CEPT1: variants seen among roughly 807,000 people sequenced by gnomAD.
CEPT1 encodes choline/ethanolaminephosphotransferase 1.
In CEPT1, 7 loss-of-function variants were observed where a neutral mutation model predicts 42.6. The ratio of observed to expected loss-of-function variants is 0.16; its 90% CI spans 0.09 to 0.31. The LOEUF is 0.31. CEPT1 is among the 10% of genes least tolerant of loss of function. The pLI, the probability that CEPT1 is intolerant of heterozygous loss-of-function variation, is 1.00. For synonymous variants in CEPT1, 171 were observed against 171.9 expected (o/e 0.99, Z 0.04); for missense variants, 306 against 502.1 (o/e 0.61, Z 3.73).
intron 1 of CEPT1, among the ~76,000 whole-genome samples, chr1:111,146,562 T>C (rs1654979410): frequency 6.6e-6 from 1 of 152,218 alleles, no homozygotes; most frequent in Non-Finnish European, 1.5e-5. Flanking sequence ...ATTTTCATTT[T>C]TACCATCCTA....
intron 4 of CEPT1, among the ~76,000 whole-genome samples, chr1:111,172,784 A>C (rs1334850672): frequency 6.6e-6 from 1 of 152,218 alleles, no homozygotes. Context: ...TGGAGTTCAG[A>C]ATATTCTTCT....
intron 4 of CEPT1, among the ~76,000 whole-genome samples, chr1:111,174,360 GT>G (rs373401927): frequency 1.1e-4 from 17 of 148,624 alleles, no homozygotes; most frequent in Middle Eastern, 3.5e-3. Context: ...AACTGGAGGA[GT>G]TTTTTTTTTC....
intron 4 of CEPT1, among the ~76,000 whole-genome samples, chr1:111,166,137 C>G (rs1656134134): frequency 6.6e-6 from 1 of 152,198 alleles, no homozygotes; most frequent in South Asian, 2.1e-4. Context: ...GGCCTCAGCT[C>G]CGTTCGTTTA....
intron 2 of CEPT1, among the ~76,000 whole-genome samples, chr1:111,153,377 T>G (rs1351761713): frequency 1.3e-5 from 2 of 152,046 alleles, no homozygotes; most frequent in Admixed American, 1.3e-4. Flanking sequence ...CCTGGGTAAT[T>G]TTGTATTTTT....
chr1:111,171,365 C>G (rs1324486932), intron 4 of CEPT1, among the ~76,000 whole-genome samples: 2 of 152,194 alleles, frequency 1.3e-5, no homozygotes, highest in East Asian at 1.9e-4. Flanking sequence ...GAGATAGTCA[C>G]TCCAACTAAA....
chr1:111,168,468 T>G (rs1656249271), intron 4 of CEPT1, among the ~76,000 whole-genome samples: 1 of 151,618 alleles, frequency 6.6e-6, no homozygotes, highest in African/African-American at 2.4e-5. Flanking sequence ...AATAGTGAAT[T>G]CCTTGTTGGC....
chr1:111,142,722 G>T (rs1297288866), intron 1 of CEPT1, among the ~76,000 whole-genome samples: 7 of 152,124 alleles, frequency 4.6e-5, no homozygotes, highest in African/African-American at 1.7e-4. Context: ...GAGCTTGTGG[G>T]AAAAGAATGT....
chr1:111,139,589 A>G (rs1654103012), upstream of CEPT1: 2 of 152,312 alleles, frequency 1.3e-5, no homozygotes, highest in Non-Finnish European at 2.9e-5. Context: ...TCAACAAACC[A>G]GAGGAATTAA....
chr1:111,160,369 A>G (rs998698859), intron 3 of CEPT1: 4 of 152,156 alleles, frequency 2.6e-5, no homozygotes, highest in African/African-American at 9.7e-5. Context: ...CTTGTTTGAC[A>G]TGGCACTTAA....
Position 111,148,031 on chromosome 1 carries a change from A to G in CEPT1, c.317A>G (p.Tyr106Cys). ...NICTTILLVF[Y>C]CPTATEQAPL... ...TGTACAACTATTTTATTAGTCTTCT[A>G]CTGCCCTACAGCTACAGAGCAGGTA... is the stretch of plus-strand genomic sequence containing the variant. Residue 106 changes from tyrosine (Y) to cysteine (C), a missense_variant, in exon 2 of 9, where the codon TAC becomes TGC. Tyr to Cys is a radical substitution (Grantham distance 194). Around this residue, in one of 2 missense-constraint regions of CEPT1, gnomAD observed 253 missense variants for 447.3 expected, o/e 0.57. Transcript: ENST00000357172. The G allele has an allele frequency of 6.2e-7, 1 of 1,613,894 alleles. No homozygotes were observed. Among genetic ancestry groups the G allele is most frequent in the Non-Finnish European group, 8.5e-7 (1 of 1,179,730 alleles).
At chr1:111,155,477 T>A (rs1292139159) in intron 2 of CEPT1, among the ~76,000 whole-genome samples, 4 of 151,912 alleles carry the variant, frequency 2.6e-5, no homozygotes, top group African/African-American at 9.7e-5. Flanking sequence ...ACACAACATA[T>A]ATGACACATG....
intron 4 of CEPT1, chr1:111,166,956 G>A (rs1656173709): frequency 1.2e-5 from 2 of 169,880 alleles, no homozygotes; most frequent in South Asian, 1.9e-4. Context: ...GGATAGTATA[G>A]TACTGTATAA....
intron 2 of CEPT1, among the ~76,000 whole-genome samples, chr1:111,156,439 C>CT (rs1373816855): frequency 6.6e-6 from 1 of 152,146 alleles, no homozygotes; most frequent in Non-Finnish European, 1.5e-5. Flanking sequence ...GTAGTGCACT[C>CT]TAAGTTCAAT....
chr1:111,182,351 T>G, intron 6 of CEPT1, 33 bp downstream of exon 6: 2 of 1,601,978 alleles, frequency 1.2e-6, no homozygotes, highest in Non-Finnish European at 8.5e-7. Context: ...AACACTTGTT[T>G]ACACTAGGAC....
intron 5 of CEPT1, among the ~76,000 whole-genome samples, chr1:111,176,508 C>G (rs1299798416): frequency 6.6e-6 from 1 of 151,914 alleles, no homozygotes; most frequent in Non-Finnish European, 1.5e-5. Context: ...TTCAGCATAC[C>G]AATATCCAAA....
chr1:111,146,911 G>GT (rs1369079471), intron 1 of CEPT1, among the ~76,000 whole-genome samples: 1 of 148,486 alleles, frequency 6.7e-6, no homozygotes, highest in Non-Finnish European at 1.5e-5. Flanking sequence ...GTCTATATTC[G>GT]TTTTTACCAA....
chr1:111,151,157 G>A (rs546914292), intron 2 of CEPT1, among the ~76,000 whole-genome samples: 14 of 142,516 alleles, frequency 9.8e-5, no homozygotes, highest in African/African-American at 2.9e-4. Flanking sequence ...ACGGAGTCTC[G>A]CTCTGTTGCC....
intron 4 of CEPT1, among the ~76,000 whole-genome samples, chr1:111,173,646 C>T (rs1334894784): frequency 6.6e-6 from 1 of 152,190 alleles, no homozygotes; most frequent in East Asian, 1.9e-4. Flanking sequence ...AAAGTCTCCT[C>T]ATTCTTATTT....
intron 4 of CEPT1, among the ~76,000 whole-genome samples, chr1:111,162,990 C>T (rs1212510809): frequency 2.0e-5 from 3 of 151,930 alleles, no homozygotes; most frequent in African/African-American, 4.8e-5. Context: ...CAGAAGAAAT[C>T]TGCTAGAGAA....
Sources: allele counts gnomAD v4.1 joint callset (sites outside exome capture counted in the v4.1 genomes callset), GRCh38; gene constraint gnomAD v4.1.1; regional missense constraint gnomAD v4.1.1; transcripts MANE v1.5; gene names NCBI Gene and HGNC (gene_info 2026-07-23, HGNC 2026-07-21).